Variants in MAML2 observed in about 807,000 individuals in gnomAD.
MAML2 encodes the protein mastermind-like protein 2.
In MAML2, 22 loss-of-function variants were observed where a neutral mutation model predicts 96.1. The ratio of observed to expected loss-of-function variants is 0.23; its 90% CI spans 0.16 to 0.33. MAML2 has a LOEUF of 0.33. Among genes scored for constraint, MAML2 ranks in the 10% least tolerant of loss-of-function variants. The pLI, the probability that MAML2 is intolerant of heterozygous loss-of-function variation, is 1.00. For missense variants in MAML2, 1,367 were observed against 1,392.4 expected (o/e 0.98, Z 0.29); for synonymous variants, 561 against 521.3 (o/e 1.08, Z -1.04).
intron 1 of MAML2, among the ~76,000 whole-genome samples, chr11:96,240,144 T>C (rs528342839): frequency 1.5e-4 from 23 of 152,366 alleles, no homozygotes; most frequent in Admixed American, 8.5e-4. Context: ...CTTAGAATGC[T>C]AAATCACCAT....
rs1229227261 is a variant in MAML2 at position 95,985,623 on chromosome 11, T to C, written c.2363A>G (p.Asp788Gly). Residue 788 changes from aspartate (D) to glycine (G), a missense_variant, in exon 4 of 5, where the codon GAT becomes GGT. By Grantham distance (94) the Asp-to-Gly change is moderately conservative. Transcript: ENST00000524717. ...CCTTGACAAATGTCGGTTTATCTGA[T>C]CTTGTGGAGCAATTTTCTCCTTGAG... ...LADAEKIAPQ[D>G]QINRHLSRPP... 6.2e-7 allele frequency: 1 copy of C among 1,610,060 alleles called. No homozygotes were observed. Among genetic ancestry groups the C allele is most frequent in the Non-Finnish European group, 8.5e-7 (1 of 1,177,078 alleles).
At chr11:96,239,141 G>A (rs1211526464) in intron 1 of MAML2, among the ~76,000 whole-genome samples, 1 of 152,206 alleles carries the variant, frequency 6.6e-6, no homozygotes, top group African/African-American at 2.4e-5. Context: ...TTAACATGAT[G>A]ATACAACAGA....
intron 1 of MAML2, among the ~76,000 whole-genome samples, chr11:96,138,096 C>T (rs1860666507): frequency 6.6e-6 from 1 of 152,104 alleles, no homozygotes; most frequent in Non-Finnish European, 1.5e-5. Context: ...CATATTTAGG[C>T]TAATAAGAAC....
intron 2 of MAML2, among the ~76,000 whole-genome samples, chr11:96,012,493 C>T (rs2135728984): frequency 6.6e-6 from 1 of 152,302 alleles, no homozygotes; most frequent in Middle Eastern, 3.4e-3. Context: ...GCAGCCTTCT[C>T]ACTATTTTAA....
intron 1 of MAML2, among the ~76,000 whole-genome samples, chr11:96,113,184 A>AC (rs143155757): frequency 0.18 from 27,069 of 148,208 alleles, 2,840 homozygotes; most frequent in Middle Eastern, 0.26. Flanking sequence ...AAAAAAAAAA[A>AC]AAAAAACTTT....
chr11:96,198,194 T>C (rs1454207864), intron 1 of MAML2, among the ~76,000 whole-genome samples: 2 of 152,204 alleles, frequency 1.3e-5, no homozygotes, highest in Non-Finnish European at 1.5e-5. Flanking sequence ...CAATTGACCC[T>C]AAAGACACTG....
At chr11:96,048,746 A>T (rs966222197) in intron 2 of MAML2, among the ~76,000 whole-genome samples, 5 of 151,974 alleles carry the variant, frequency 3.3e-5, no homozygotes, top group African/African-American at 9.7e-5. Flanking sequence ...ATACCCATTT[A>T]TGGTTTCCAA....
At chr11:96,035,070 G>A (rs1858690004) in intron 2 of MAML2, among the ~76,000 whole-genome samples, 1 of 152,172 alleles carries the variant, frequency 6.6e-6, no homozygotes, top group Non-Finnish European at 1.5e-5. Context: ...ATATGGGAAA[G>A]CTACCTTGAG....
intron 1 of MAML2, among the ~76,000 whole-genome samples, chr11:96,110,403 C>A (rs541073797): frequency 2.8e-4 from 42 of 152,298 alleles, no homozygotes; most frequent in African/African-American, 1.0e-3. Flanking sequence ...AATTCTTTCA[C>A]TTTATGTTGT....
chr11:96,218,312 A>G (rs1055385936), intron 1 of MAML2, among the ~76,000 whole-genome samples: 3 of 152,172 alleles, frequency 2.0e-5, no homozygotes, highest in African/African-American at 7.2e-5. Context: ...TTCAATCCTA[A>G]GGCACCATGC....
At chr11:96,283,206 G>A (rs891757063) in intron 1 of MAML2, among the ~76,000 whole-genome samples, 2 of 152,106 alleles carry the variant, frequency 1.3e-5, no homozygotes, top group African/African-American at 4.8e-5. Context: ...ATTCACTGCA[G>A]ACCTGTTAAA....
intron 1 of MAML2, among the ~76,000 whole-genome samples, chr11:96,299,490 G>C (rs1863356547): frequency 6.6e-6 from 1 of 151,934 alleles, no homozygotes; most frequent in Non-Finnish European, 1.5e-5. Flanking sequence ...TTCTTCACTG[G>C]AGCAGCTGAG....
At chr11:96,164,351 C>A (rs1861159199) in intron 1 of MAML2, among the ~76,000 whole-genome samples, 1 of 152,144 alleles carries the variant, frequency 6.6e-6, no homozygotes, top group South Asian at 2.1e-4. Context: ...GTGAAGAAAG[C>A]AAGACCCAGA....
chr11:96,018,125 A>G (rs1858383989), intron 2 of MAML2, among the ~76,000 whole-genome samples: 1 of 152,222 alleles, frequency 6.6e-6, no homozygotes, highest in Admixed American at 6.5e-5. Flanking sequence ...TAGAGCCACT[A>G]ATAAGCAACT....
At chr11:96,339,189 T>C (rs1181251002) in intron 1 of MAML2, among the ~76,000 whole-genome samples, 1 of 152,180 alleles carries the variant, frequency 6.6e-6, no homozygotes, top group African/African-American at 2.4e-5. Context: ...AGGGAATGTC[T>C]CAGGAGATGG....
chr11:96,274,862 G>T (rs1477824144), intron 1 of MAML2, among the ~76,000 whole-genome samples: 1 of 152,130 alleles, frequency 6.6e-6, no homozygotes, highest in Non-Finnish European at 1.5e-5. Flanking sequence ...ATACCCTAGA[G>T]ATCACTACTG....
intron 1 of MAML2, among the ~76,000 whole-genome samples, chr11:96,129,270 A>T (rs989160362): frequency 6.6e-6 from 1 of 152,210 alleles, no homozygotes; most frequent in Non-Finnish European, 1.5e-5. Context: ...TGTTCTAAAA[A>T]TAAGTAAAGA....
At chr11:96,183,403 C>CG (rs1469161470) in intron 1 of MAML2, among the ~76,000 whole-genome samples, 1 of 40,512 alleles carries the variant, frequency 2.5e-5, no homozygotes, top group African/African-American at 1.1e-4. Context: ...TCCCCCCCCC[C>CG]CCTTTCTTTT....
At chr11:96,153,944 AATAAATAT>A (rs1306054889) in intron 1 of MAML2, among the ~76,000 whole-genome samples, 42 of 150,834 alleles carry the variant, frequency 2.8e-4, no homozygotes, top group African/African-American at 6.3e-4. Flanking sequence ...TAAATAAATA[AATAAATAT>A]GATAAAACAA....
Sources: gnomAD v4.1 joint callset for allele counts (sites outside exome capture counted in the v4.1 genomes callset) on GRCh38, gnomAD v4.1.1 for gene constraint, MANE v1.5 for transcripts, NCBI Gene and HGNC (gene_info 2026-07-23, HGNC 2026-07-21) for gene names.